KIF6: variants seen among roughly 807,000 people sequenced by gnomAD.
KIF6 encodes kinesin-like protein KIF6.
Under a neutral mutation model 112.7 loss-of-function variants are expected in KIF6, and 106 were observed. The observed-to-expected ratio is 0.94, with a 90% CI of 0.80 to 1.11. The LOEUF is 1.11. Ranked by LOEUF, KIF6 falls within the 50% of genes least tolerant of loss-of-function variation. The pLI is 0.00. For missense variants in KIF6, 929 were observed against 964.0 expected (o/e 0.96, Z 0.48); for synonymous variants, 339 against 339.9 (o/e 1.00, Z 0.03).
At chr6:39,533,559 C>G (rs1414794612) in intron 13 of KIF6, among the ~76,000 whole-genome samples, 1 of 152,226 alleles carries the variant, frequency 6.6e-6, no homozygotes, top group East Asian at 1.9e-4. Flanking sequence ...CTGCCTGCCT[C>G]TGTAGGCTCC....
intron 6 of KIF6, among the ~76,000 whole-genome samples, chr6:39,596,897 A>G (rs1488067065): frequency 6.6e-6 from 1 of 152,218 alleles, no homozygotes; most frequent in East Asian, 1.9e-4. Context: ...ATATGAGATG[A>G]ATATATAAAA....
chr6:39,592,678 C>A (rs1220021937), intron 7 of KIF6, among the ~76,000 whole-genome samples: 2 of 152,130 alleles, frequency 1.3e-5, no homozygotes, highest in Non-Finnish European at 2.9e-5. Context: ...ATTTCTAAGG[C>A]CAAGATGTAC....
chr6:39,584,014 A>G (rs1322794427), intron 9 of KIF6, among the ~76,000 whole-genome samples: 1 of 152,156 alleles, frequency 6.6e-6, no homozygotes, highest in Non-Finnish European at 1.5e-5. Context: ...TGACAGATCA[A>G]GCCAATAATG....
At chr6:39,361,085 A>G (rs967529994) in intron 17 of KIF6, among the ~76,000 whole-genome samples, 6 of 152,316 alleles carry the variant, frequency 3.9e-5, no homozygotes, top group East Asian at 1.9e-4. Flanking sequence ...ACCAAAAGTA[A>G]CACTGTGCTT....
At position 39,431,060 on chromosome 6, in the gene KIF6, T is replaced by G. The variant is rs1771119201; in HGVS notation, c.1747A>C (p.Lys583Gln). The G allele has an allele frequency of 1.9e-6, 3 of 1,609,290 alleles. No individual in the cohort carries two copies. The highest frequency in any genetic ancestry group is 2.6e-6 in the Non-Finnish European group (3 of 1,176,004). ...TCTCTGAGACAGCCTTACCTCTGTT[T>G]CAGAATCTGTTTGTTGTCATCGATG... ...VTIDDNKQILKQRFSEAKALG... is the reference protein window; with the variant it reads ...VTIDDNKQILQQRFSEAKALG... Residue 583 changes from lysine to glutamine, a missense_variant, in exon 14 of 23, where the codon AAA becomes CAA. Lys to Gln is a moderately conservative substitution (Grantham distance 53, BLOSUM62 1). Transcript: ENST00000287152.
chr6:39,622,769 G>A (rs866627306), intron 5 of KIF6, among the ~76,000 whole-genome samples: 1 of 152,224 alleles, frequency 6.6e-6, no homozygotes, highest in Non-Finnish European at 1.5e-5. Flanking sequence ...GCCTCAGGCA[G>A]CAGGTGCCTG....
intron 12 of KIF6, 118 bp downstream of exon 12, chr6:39,544,437 G>A (rs1778957018): frequency 1.1e-5 from 11 of 1,035,654 alleles, no homozygotes; most frequent in Non-Finnish European, 1.3e-5. Flanking sequence ...TCAATGGAAA[G>A]AAGCAATGTG....
intron 2 of KIF6, 100 bp downstream of exon 2, chr6:39,720,602 A>T: frequency 1.5e-6 from 1 of 686,978 alleles, no homozygotes; most frequent in Non-Finnish European, 2.5e-6. Flanking sequence ...TGCATTTTCC[A>T]CAAGAAATGG....
chr6:39,572,659 C>G (rs1267989594), intron 10 of KIF6, among the ~76,000 whole-genome samples: 3 of 102,216 alleles, frequency 2.9e-5, no homozygotes, highest in African/African-American at 1.1e-4. Flanking sequence ...GATCTACAGG[C>G]TTTTTTTTTT....
chr6:39,348,876 G>A (rs567988414), intron 19 of KIF6, among the ~76,000 whole-genome samples: 26 of 152,304 alleles, frequency 1.7e-4, no homozygotes, highest in African/African-American at 5.1e-4. Flanking sequence ...AGCAACAGCC[G>A]CTGGGCCCTC....
intron 13 of KIF6, among the ~76,000 whole-genome samples, chr6:39,504,931 A>G (rs1030056831): frequency 1.3e-5 from 2 of 152,220 alleles, no homozygotes; most frequent in African/African-American, 4.8e-5. Context: ...TGCCCAAAGC[A>G]ATTTATAGAT....
chr6:39,484,132 C>T (rs1303021642), intron 13 of KIF6, among the ~76,000 whole-genome samples: 1 of 152,122 alleles, frequency 6.6e-6, no homozygotes, highest in Admixed American at 6.5e-5. Context: ...CGCTACATAC[C>T]ACCCTCCATG....
At chr6:39,707,094 T>C (rs1789251463) in intron 3 of KIF6, among the ~76,000 whole-genome samples, 2 of 152,208 alleles carry the variant, frequency 1.3e-5, no homozygotes, top group Non-Finnish European at 2.9e-5. Flanking sequence ...TTGACATTGG[T>C]AGAATGTATG....
chr6:39,684,187 T>C (rs889458817), intron 3 of KIF6, among the ~76,000 whole-genome samples: 2 of 152,132 alleles, frequency 1.3e-5, no homozygotes, highest in African/African-American at 4.8e-5. Context: ...CTTCCATAGC[T>C]ACCACAGTAT....
chr6:39,527,077 A>G (rs1468676035), intron 13 of KIF6, among the ~76,000 whole-genome samples: 1 of 152,240 alleles, frequency 6.6e-6, no homozygotes, highest in Admixed American at 6.5e-5. Flanking sequence ...AGACTTTACA[A>G]ATAGTAGTTT....
At chr6:39,409,960 C>T (rs1769365481) in intron 15 of KIF6, among the ~76,000 whole-genome samples, 1 of 152,242 alleles carries the variant, frequency 6.6e-6, no homozygotes, top group South Asian at 2.1e-4. Context: ...ATAAAACACA[C>T]TTTTCCTTCT....
Position 39,343,739 on chromosome 6 carries a change from T to C in KIF6, c.2398A>G (p.Lys800Glu). 1.2e-6 allele frequency: 2 copies of C among 1,612,692 alleles called. No homozygotes were observed. The highest frequency in any genetic ancestry group is 1.1e-5 in the South Asian group (1 of 90,762). Residue 800 changes from lysine to glutamate, a missense_variant, in exon 22 of 23, where the codon AAG (lysine) becomes GAG (glutamate). Lys to Glu is a moderately conservative substitution (Grantham distance 56). Transcript: ENST00000287152. This position sits in a 1 kb window ranked among gnomAD's most constrained non-coding sequence, Gnocchi z 4.1. ...TTCTGCAGAATGCTCTGTCTGGCCTTGATGAAGGCGATGATGTCCGAGTCC... is the reference window on the plus strand; with the variant it reads ...TTCTGCAGAATGCTCTGTCTGGCCTCGATGAAGGCGATGATGTCCGAGTCC... ...QTDSDIIAFI[K>E]ARQSILQKQC...
intron 22 of KIF6, among the ~76,000 whole-genome samples, chr6:39,338,349 G>T (rs1450183724): frequency 6.6e-6 from 1 of 152,218 alleles, no homozygotes; most frequent in African/African-American, 2.4e-5. Flanking sequence ...ACATTGAATG[G>T]CCAGCTAGTG....
At chr6:39,677,412 G>C (rs969439735) in intron 3 of KIF6, among the ~76,000 whole-genome samples, 2 of 152,058 alleles carry the variant, frequency 1.3e-5, no homozygotes, top group Non-Finnish European at 2.9e-5. Context: ...CATGGATATA[G>C]CAAACCTGGA....
Sources: allele counts gnomAD v4.1 joint callset (sites outside exome capture counted in the v4.1 genomes callset), GRCh38; gene constraint gnomAD v4.1.1; non-coding constraint Gnocchi (gnomAD v3.1); transcripts MANE v1.5; gene names NCBI Gene and HGNC (gene_info 2026-07-23, HGNC 2026-07-21).